CAST: variants seen among roughly 807,000 people sequenced by gnomAD.
CAST encodes the protein calpastatin, also known as MIR583 host.
Under a neutral mutation model 119.6 loss-of-function variants are expected in CAST, and 76 were observed. That is an observed-to-expected ratio of 0.64 (90% CI 0.53 to 0.77). The LOEUF (loss-of-function observed/expected upper bound fraction) is 0.77, where lower values mean the gene tolerates loss of function less well. Ranked by LOEUF, CAST falls within the 30% of genes least tolerant of loss-of-function variation. The pLI is 0.00. For synonymous variants in CAST, 319 were observed against 331.6 expected (o/e 0.96, Z 0.41); for missense variants, 953 against 946.5 (o/e 1.01, Z -0.09).
At chr5:96,595,797 G>A (rs980635111) in intron 1 of CAST, among the ~76,000 whole-genome samples, 8 of 152,162 alleles carry the variant, frequency 5.3e-5, no homozygotes, top group Non-Finnish European at 1.2e-4. Context: ...AAATATATAT[G>A]AAACAAAATA....
At chr5:96,680,483 TTTTC>T (rs1000608684) in intron 2 of CAST, among the ~76,000 whole-genome samples, 1 of 152,050 alleles carries the variant, frequency 6.6e-6, no homozygotes, top group Non-Finnish European at 1.5e-5. Context: ...CCTGCATCTT[TTTTC>T]TTTGTTTGCT....
chr5:96,210,932 G>A, the CAST span, among the ~76,000 whole-genome samples: 1 of 151,862 alleles, frequency 6.6e-6, no homozygotes, highest in African/African-American at 2.4e-5. Flanking sequence ...TTTTTTGAGT[G>A]ATTGTAAGTT....
At chr5:96,195,066 A>G in the CAST span, among the ~76,000 whole-genome samples, 1 of 152,252 alleles carries the variant, frequency 6.6e-6, no homozygotes, top group Non-Finnish European at 1.5e-5. Flanking sequence ...TTTCATATAT[A>G]ATAATCCTTG....
chr5:96,247,688 C>T, the CAST span: 1 of 152,230 alleles, frequency 6.6e-6, no homozygotes, highest in Non-Finnish European at 1.5e-5. Flanking sequence ...TATTTCTCTA[C>T]CAGAAAATCA....
chr5:96,096,357 A>G, the CAST span, among the ~76,000 whole-genome samples: 1 of 152,218 alleles, frequency 6.6e-6, no homozygotes, highest in African/African-American at 2.4e-5. Context: ...CTAAGGGCTT[A>G]GTAAAAGTTA....
chr5:96,535,631 T>G (rs71580786), intron 1 of CAST, among the ~76,000 whole-genome samples: 46,279 of 139,838 alleles, frequency 0.33, 7,897 homozygotes, highest in Middle Eastern at 0.48. Context: ...TGGAGTGCAG[T>G]GGCGCGATCT....
the CAST span, among the ~76,000 whole-genome samples, chr5:96,329,498 TC>T: frequency 1.3e-5 from 2 of 152,120 alleles, no homozygotes. Flanking sequence ...TTTACAGGGA[TC>T]CCCCCTAGAA....
the CAST span, among the ~76,000 whole-genome samples, chr5:96,041,637 G>A: frequency 6.6e-6 from 1 of 151,988 alleles, no homozygotes; most frequent in Non-Finnish European, 1.5e-5. Context: ...GATAATTATA[G>A]GAGAAATTGA....
intron 3 of CAST, among the ~76,000 whole-genome samples, chr5:96,708,837 C>T (rs927221899): frequency 3.9e-5 from 6 of 152,178 alleles, no homozygotes; most frequent in African/African-American, 7.2e-5. Flanking sequence ...TGAGCTGCTG[C>T]GCCCAGCCTG....
chr5:96,218,339 C>T, the CAST span, among the ~76,000 whole-genome samples: 1 of 152,102 alleles, frequency 6.6e-6, no homozygotes. Context: ...CTATATTATG[C>T]CTGTGGTCCA....
At chr5:96,094,816 G>A in the CAST span, among the ~76,000 whole-genome samples, 3 of 152,058 alleles carry the variant, frequency 2.0e-5, no homozygotes, top group African/African-American at 7.2e-5. Flanking sequence ...GGTTCTCTAC[G>A]GTTTGGACTT....
chr5:96,770,653 T>A, intron 30 of CAST, 51 bp downstream of exon 30: 1 of 1,219,444 alleles, frequency 8.2e-7, no homozygotes, highest in Non-Finnish European at 1.2e-6. Context: ...TTACACAGAG[T>A]AGGGTTTATC....
chr5:96,343,632 G>C, the CAST span, among the ~76,000 whole-genome samples: 1 of 152,146 alleles, frequency 6.6e-6, no homozygotes, highest in South Asian at 2.1e-4. Context: ...CCTAAGCATT[G>C]CAACTGAAAG....
chr5:96,589,405 GGT>G (rs1265737867), intron 1 of CAST, among the ~76,000 whole-genome samples: 5 of 151,960 alleles, frequency 3.3e-5, no homozygotes, highest in African/African-American at 1.2e-4. Context: ...TTTAAAAACT[GGT>G]GTGTATTAAA....
the CAST span, among the ~76,000 whole-genome samples, chr5:96,380,818 G>A: frequency 1.3e-5 from 2 of 152,174 alleles, no homozygotes; most frequent in Admixed American, 1.3e-4. Context: ...ATAACTCAGT[G>A]AATCAATGTT....
At chr5:96,237,405 A>G in the CAST span, among the ~76,000 whole-genome samples, 8 of 152,166 alleles carry the variant, frequency 5.3e-5, no homozygotes, top group African/African-American at 1.9e-4. Context: ...TCTGTGTTCT[A>G]CTTTTGTCTG....
At chr5:96,708,356 G>T (rs42442) in intron 3 of CAST, among the ~76,000 whole-genome samples, 1 of 152,220 alleles carries the variant, frequency 6.6e-6, no homozygotes, top group East Asian at 1.9e-4. Context: ...GATCTATCTT[G>T]CAGTCGCTTA....
the CAST span, among the ~76,000 whole-genome samples, chr5:96,365,502 G>A: frequency 2.0e-5 from 3 of 152,268 alleles, no homozygotes; most frequent in South Asian, 2.1e-4. Flanking sequence ...ATGAATCTGG[G>A]TGCTCTTGTA....
chr5:96,314,867 T>A, the CAST span, among the ~76,000 whole-genome samples: 1 of 152,236 alleles, frequency 6.6e-6, no homozygotes, highest in Admixed American at 6.5e-5. Context: ...TACTTTTGAC[T>A]GACCCTTTAA....
Sources: gnomAD v4.1 joint callset for allele counts (sites outside exome capture counted in the v4.1 genomes callset) on GRCh38, gnomAD v4.1.1 for gene constraint, MANE v1.5 for transcripts, NCBI Gene and HGNC (gene_info 2026-07-23, HGNC 2026-07-21) for gene names.